LANCL3: variants seen among roughly 807,000 people sequenced by gnomAD.
LANCL3 encodes lanC-like protein 3.
Under a neutral mutation model 26.5 loss-of-function variants are expected in LANCL3, and 19 were observed. That is an observed-to-expected ratio of 0.72 (90% confidence interval 0.50 to 1.05). The LOEUF is 1.05. Among genes scored for constraint, LANCL3 ranks in the 50% least tolerant of loss-of-function variants. LANCL3 has a pLI of 0.00. For missense variants in LANCL3, 318 were observed against 362.7 expected, an observed-to-expected ratio of 0.88 and a Z score of 1.00; for synonymous variants, 160 against 166.6, an observed-to-expected ratio of 0.96 and a Z score of 0.30.
chrX:37,664,512 T>A (rs1569470161), intron 3 of LANCL3, among the ~76,000 whole-genome samples: 1 of 111,952 alleles, frequency 8.9e-6, no homozygotes, highest in Non-Finnish European at 1.9e-5. Flanking sequence ...TTCTTTTTTT[T>A]ATTGAGGTGA....
At chrX:37,646,841 G>T (rs782504411) in intron 1 of LANCL3, among the ~76,000 whole-genome samples, 1 of 111,387 alleles carries the variant, frequency 9.0e-6, no homozygotes, top group South Asian at 3.8e-4. Context: ...AGACTCCTAA[G>T]GCTTGGCATG....
intron 1 of LANCL3, among the ~76,000 whole-genome samples, chrX:37,639,147 G>A (rs782667727): frequency 8.6e-5 from 9 of 104,495 alleles, no homozygotes; most frequent in Admixed American, 2.1e-4. Flanking sequence ...TTGATGCACT[G>A]TAATAGATAT....
chrX:37,605,262 T>C (rs917022797), intron 1 of LANCL3, among the ~76,000 whole-genome samples: 7 of 111,714 alleles, frequency 6.3e-5, no homozygotes, highest in African/African-American at 2.3e-4. Context: ...GTTGTTCTTT[T>C]GAAAAGCAAA....
chrX:37,634,454 T>G (rs1389577019), intron 1 of LANCL3, among the ~76,000 whole-genome samples: 2 of 112,885 alleles, frequency 1.8e-5, no homozygotes, highest in Non-Finnish European at 1.9e-5. Flanking sequence ...CCCACTGTCC[T>G]GCGCCCACTG....
At chrX:37,663,017 G>A (rs1556432939) in intron 3 of LANCL3, among the ~76,000 whole-genome samples, 2 of 111,368 alleles carry the variant, frequency 1.8e-5, no homozygotes, top group Non-Finnish European at 3.8e-5. Flanking sequence ...TGGGGCTCAT[G>A]GCCTGGTACA....
chrX:37,654,413 T>C (rs1452259580), intron 1 of LANCL3, among the ~76,000 whole-genome samples: 1 of 112,451 alleles, frequency 8.9e-6, no homozygotes, highest in African/African-American at 3.2e-5. Context: ...ACGGACTTTT[T>C]ATTGATCCCA....
At chrX:37,574,369 G>T (rs1923689494) in intron 1 of LANCL3, among the ~76,000 whole-genome samples, 2 of 111,521 alleles carry the variant, frequency 1.8e-5, no homozygotes, top group South Asian at 7.5e-4. Context: ...CTCTCAGTAT[G>T]TCCTGGGTTT....
At chrX:37,661,463 C>T (rs1569469901) in intron 3 of LANCL3, among the ~76,000 whole-genome samples, 1 of 111,619 alleles carries the variant, frequency 9.0e-6, no homozygotes, top group East Asian at 2.8e-4. Flanking sequence ...CATGTATTCA[C>T]TGGACTACCA....
At position 37,683,894 on chromosome X, in the gene LANCL3, A is replaced by G. The variant is rs1424880541; in HGVS notation, c.*8081A>G. 3 of 112,084 alleles carry G rather than the reference A, an allele frequency of 2.7e-5. No individual in the cohort carries two copies. Among genetic ancestry groups the G allele is most frequent in the Non-Finnish European group, 5.6e-5 (3 of 53,270 alleles). 9.2% of individuals were successfully genotyped at this position (112,084 alleles called of 1,213,427 possible). ...TCCTAGTGAAAAAGTATAATGCAAT[A>G]CATGACATTAATCTTTAGTCAAAAC... On this transcript the variant is annotated 3_prime_UTR_variant, in exon 5 of 5. Coordinates refer to ENST00000378619, the MANE Select transcript of LANCL3 (RefSeq NM_001170331.2).
chrX:37,580,849 A>C (rs1923874167), intron 1 of LANCL3, among the ~76,000 whole-genome samples: 1 of 111,984 alleles, frequency 8.9e-6, no homozygotes, highest in African/African-American at 3.2e-5. Flanking sequence ...TCTCCATCAT[A>C]TCCAGTAGGG....
At chrX:37,590,796 C>T (rs782303742) in intron 1 of LANCL3, among the ~76,000 whole-genome samples, 2 of 111,386 alleles carry the variant, frequency 1.8e-5, no homozygotes, top group Non-Finnish European at 3.8e-5. Context: ...CGTGAACATG[C>T]ATTAGAATCC....
chrX:37,623,692 A>T (rs1486910588), intron 1 of LANCL3, among the ~76,000 whole-genome samples: 4 of 112,082 alleles, frequency 3.6e-5, no homozygotes, highest in Non-Finnish European at 7.5e-5. Flanking sequence ...AAAAACAAAA[A>T]TAAAAACACA....
chrX:37,584,415 C>T (rs1171963474), intron 1 of LANCL3, among the ~76,000 whole-genome samples: 3 of 109,796 alleles, frequency 2.7e-5, no homozygotes, highest in Non-Finnish European at 1.9e-5. Context: ...CCTTGTACCT[C>T]TGGTAGAATT....
intron 1 of LANCL3, among the ~76,000 whole-genome samples, chrX:37,582,860 C>G (rs1602093211): frequency 8.9e-6 from 1 of 111,914 alleles, no homozygotes; most frequent in East Asian, 2.8e-4. Context: ...GTTGCCATTG[C>G]TTTTGGTGTT....
intron 1 of LANCL3, among the ~76,000 whole-genome samples, chrX:37,604,301 T>C (rs1924648100): frequency 1.8e-5 from 2 of 112,261 alleles, no homozygotes; most frequent in Non-Finnish European, 3.8e-5. Flanking sequence ...GAAATGGCAG[T>C]CAGATCTGCA....
intron 1 of LANCL3, among the ~76,000 whole-genome samples, chrX:37,651,904 C>T (rs781826105): frequency 9.0e-6 from 1 of 111,595 alleles, no homozygotes; most frequent in Non-Finnish European, 1.9e-5. Flanking sequence ...TTCACTCTCA[C>T]TGCTGGGTGG....
intron 1 of LANCL3, among the ~76,000 whole-genome samples, chrX:37,587,077 C>T (rs1167112154): frequency 1.8e-5 from 2 of 112,666 alleles, no homozygotes; most frequent in Admixed American, 9.3e-5. Flanking sequence ...ACGCTATTTG[C>T]CTGGGTATCA....
intron 1 of LANCL3, among the ~76,000 whole-genome samples, chrX:37,636,140 T>C (rs1925700046): frequency 1.8e-5 from 2 of 112,338 alleles, no homozygotes; most frequent in Admixed American, 1.9e-4. Context: ...GAAAAGGACA[T>C]GATCTCATTC....
rs369869760 is a variant in LANCL3, at chrX:37,656,415, G to A, written c.697+604G>A. Among the ~76,000 whole-genome samples, 23 of 111,208 alleles carry A rather than the reference G, an allele frequency of 2.1e-4. 1 individual carries two copies. In the East Asian group the frequency reaches 4.5e-3, roughly 22 times the overall value. ...CTGTCCAGCATAGTCTCCCACATGC[G>A]GTGTTCTCTTTCCACCTTTGTCCAT... On this transcript the variant is annotated intron_variant, in intron 2 of 4. Coordinates refer to ENST00000378619, the MANE Select transcript of LANCL3 (RefSeq NM_001170331.2).
Sources: allele counts gnomAD v4.1 joint callset (sites outside exome capture counted in the v4.1 genomes callset), GRCh38; gene constraint gnomAD v4.1.1; transcripts MANE v1.5; gene names NCBI Gene and HGNC (gene_info 2026-07-23, HGNC 2026-07-21).